The following GIT2 variants were observed in gnomAD, a reference collection of about 807,000 sequenced individuals.
GIT2 encodes the protein ARF GTPase-activating protein GIT2.
GIT2 carries 32 observed loss-of-function variants against 100.3 expected under a neutral mutation model. The ratio of observed to expected loss-of-function variants is 0.32; its 90% CI spans 0.24 to 0.43. The LOEUF is 0.43. Among genes scored for constraint, GIT2 ranks in the 20% least tolerant of loss-of-function variants. The pLI is 1.00. For missense variants in GIT2, 737 were observed against 975.1 expected (o/e 0.76, Z 3.25); for synonymous variants, 353 against 364.1 (o/e 0.97, Z 0.35).
At chr12:109,970,385 C>T (rs963438320) in intron 7 of GIT2, among the ~76,000 whole-genome samples, 5 of 152,004 alleles carry the variant, frequency 3.3e-5, no homozygotes, top group East Asian at 1.9e-4. Context: ...CCCAGCTGCT[C>T]GGGAGGCTGA....
intron 14 of GIT2, among the ~76,000 whole-genome samples, chr12:109,949,266 G>C (rs1010332307): frequency 6.6e-6 from 1 of 152,236 alleles, no homozygotes; most frequent in East Asian, 1.9e-4. Context: ...AAATGGTCAA[G>C]GTTCAAGGAC....
upstream of GIT2, chr12:109,999,489 C>A: frequency 3.5e-6 from 1 of 282,100 alleles, no homozygotes; most frequent in South Asian, 1.6e-4. This position sits in a 1 kb window ranked among gnomAD's most constrained non-coding sequence, Gnocchi z 4.3. Flanking sequence ...GGGGTGGGCG[C>A]GGCCGACCTG....
At position 109,995,927 on chromosome 12, in the gene GIT2, T is replaced by C. The variant is rs535918802; in HGVS notation, c.52+246A>G. On this transcript the variant is annotated intron_variant, in intron 1 of 19. Transcript: ENST00000355312. ...GCCCTGGCCCCCGTCACCTCCCCAGTTGGCCTAGGACGGAGGGAACGGGAG... is the reference window on the plus strand; with the variant it reads ...GCCCTGGCCCCCGTCACCTCCCCAGCTGGCCTAGGACGGAGGGAACGGGAG... 3.3e-5 allele frequency among the ~76,000 whole-genome samples: 5 copies of C among 152,242 alleles called. No homozygotes were observed. In the South Asian group the frequency reaches 1.0e-3, roughly 32 times the overall value.
intron 5 of GIT2, 21 bp from the exon 6 acceptor site, chr12:109,983,524 G>A (rs1356474750): frequency 6.2e-7 from 1 of 1,611,572 alleles, no homozygotes; most frequent in Non-Finnish European, 8.5e-7. Context: ...TTAATAAAAA[G>A]TAGGCAAAAG....
At chr12:109,953,322 A>G in intron 12 of GIT2, 88 bp from the exon 13 acceptor site, 2 of 1,371,946 alleles carry the variant, frequency 1.5e-6, no homozygotes, top group Non-Finnish European at 2.1e-6. Context: ...TGGTTTAGCC[A>G]TTTAAAGGAC....
At position 109,980,999 on chromosome 12, in the gene GIT2, T is replaced by C. The variant is rs765051024; in HGVS notation, c.671A>G (p.Tyr224Cys). Residue 224 changes from tyrosine to cysteine, a missense_variant, in exon 7 of 20, where the codon TAT becomes TGT. Physicochemically the swap from Tyr to Cys is radical, Grantham distance 194. Transcript: ENST00000355312. ...ELAERLVEIQYELTDRLAFYL... is the reference protein window; with the variant it reads ...ELAERLVEIQCELTDRLAFYL... The stretch of plus-strand genomic sequence containing the variant: ...GAAGGCTAGTCTGTCCGTTAGCTCA[T>C]ACTGTATTTCCACGAGGCGCTCTGC... The C allele has an allele frequency of 1.4e-5, 22 of 1,613,512 alleles. No homozygotes were observed. The highest frequency in any genetic ancestry group is 1.7e-5 in the Non-Finnish European group (20 of 1,179,374).
chr12:109,998,090 T>C (rs1376746571), upstream of GIT2: 1 of 152,190 alleles, frequency 6.6e-6, no homozygotes, highest in African/African-American at 2.4e-5. Flanking sequence ...AAACACGGCA[T>C]GATGAAGAAG....
intron 16 of GIT2, among the ~76,000 whole-genome samples, chr12:109,944,789 A>G (rs753743880): frequency 2.8e-4 from 42 of 151,926 alleles, no homozygotes; most frequent in South Asian, 2.1e-4. Context: ...TTGGTTTGTC[A>G]GCACTTGTGG....
intron 11 of GIT2, among the ~76,000 whole-genome samples, 174 bp from the exon 12 acceptor site, chr12:109,960,132 G>A (rs1011342719): frequency 1.3e-5 from 2 of 152,148 alleles, no homozygotes; most frequent in East Asian, 3.8e-4. Context: ...TTTTCCATAT[G>A]AACAGTTTAA....
Position 109,934,013 on chromosome 12 carries a change from G to C in GIT2, c.2067+9C>G, listed in dbSNP as rs1592932207. The C allele has an allele frequency of 6.8e-7, 1 of 1,462,852 alleles. No homozygotes were observed. The highest frequency in any genetic ancestry group is 1.4e-5 in the African/African-American group (1 of 71,850). The allele number at this position is 1,462,852 out of a possible 1,614,324, so 90.6% of individuals were successfully genotyped here. Reference sequence around the variant, plus strand: ...AGGATTTAAACCAAGTGAGTAGGAAGTGACTTACTTTGGGGAATAATGCTG... The same window carrying C: ...AGGATTTAAACCAAGTGAGTAGGAACTGACTTACTTTGGGGAATAATGCTG... On this transcript the variant is annotated intron_variant, in intron 19 of 19. Transcript: ENST00000355312. The surrounding 1 kb of genome is among the most constrained non-coding windows in gnomAD (Gnocchi z 4.5).
intron 7 of GIT2, among the ~76,000 whole-genome samples, chr12:109,968,683 A>G (rs1254072636): frequency 6.6e-6 from 1 of 152,006 alleles, no homozygotes; most frequent in African/African-American, 2.4e-5. Context: ...TCGGCCTCCC[A>G]AAGTGCTGGG....
At chr12:109,986,651 G>A (rs1887439163) in intron 4 of GIT2, among the ~76,000 whole-genome samples, 1 of 152,216 alleles carries the variant, frequency 6.6e-6, no homozygotes, top group Non-Finnish European at 1.5e-5. Flanking sequence ...TGTAGTCCCA[G>A]CTACTCAGGA....
chr12:109,952,773 T>C (rs1469001857), intron 13 of GIT2: 6 of 462,428 alleles, frequency 1.3e-5, no homozygotes, highest in African/African-American at 1.2e-4. Flanking sequence ...TCCGCAGTTC[T>C]CTCTCTCCTA....
chr12:109,932,371 A>G lies in GIT2; in HGVS notation c.*607T>C, dbSNP rs1375494433. 2.0e-5 allele frequency: 3 copies of G among 152,660 alleles called. No homozygotes were observed. Among genetic ancestry groups the G allele is most frequent in the Non-Finnish European group, 4.4e-5 (3 of 68,374 alleles). 9.5% of individuals were successfully genotyped at this position (152,660 alleles called of 1,614,324 possible). On this transcript the variant is annotated 3_prime_UTR_variant, in exon 20 of 20. Coordinates refer to ENST00000355312, the MANE Select transcript of GIT2 (RefSeq NM_057169.5). ...TAGGAGCTTGAGATAACAACATTAAATAACAGAACATGTAACAGGGTAAAA... is the reference window on the plus strand; with the variant it reads ...TAGGAGCTTGAGATAACAACATTAAGTAACAGAACATGTAACAGGGTAAAA...
In GIT2 at chr12:109,965,839, G is replaced by T; in HGVS notation, c.765-262C>A. On this transcript the variant is annotated intron_variant, in intron 8 of 19. Transcript: ENST00000355312. ...CACCAACTAAACGACAAAAGCTATT[G>T]CCAGGTTACCTTCCAGGCCCTTATG... 5.0e-6 allele frequency: 3 copies of T among 598,224 alleles called. No homozygotes were observed. The Admixed American group carries it at 6.2e-5, about 12-fold the overall frequency. The allele number at this position is 598,224 out of a possible 1,614,324, so 37.1% of individuals were successfully genotyped here.
chr12:109,979,526 G>A (rs1156521871), intron 7 of GIT2, among the ~76,000 whole-genome samples: 1 of 152,050 alleles, frequency 6.6e-6, no homozygotes, highest in Non-Finnish European at 1.5e-5. Flanking sequence ...GCCCACCTCA[G>A]CCTCCCAAAG....
chr12:109,993,990 A>G (rs1228962489), intron 1 of GIT2, among the ~76,000 whole-genome samples: 3 of 151,744 alleles, frequency 2.0e-5, no homozygotes, highest in African/African-American at 7.3e-5. Context: ...CCTAAAAAGC[A>G]GAGATTGGAA....
chr12:109,997,634 A>G (rs895293872), upstream of GIT2: 1 of 152,278 alleles, frequency 6.6e-6, no homozygotes, highest in African/African-American at 2.4e-5. Flanking sequence ...GTATGTGACC[A>G]GCAAAGTTAA....
chr12:109,936,646 T>C (rs1362209963), intron 18 of GIT2, among the ~76,000 whole-genome samples: 2 of 152,142 alleles, frequency 1.3e-5, no homozygotes, highest in Admixed American at 1.3e-4. Flanking sequence ...GGCGGGTAGA[T>C]CACTTGAGAT....
Sources: gnomAD v4.1 joint callset for allele counts (sites outside exome capture counted in the v4.1 genomes callset) on GRCh38, gnomAD v4.1.1 for gene constraint, Gnocchi (gnomAD v3.1) non-coding constraint, MANE v1.5 for transcripts, NCBI Gene and HGNC (gene_info 2026-07-23, HGNC 2026-07-21) for gene names.